Variants in AEBP2 observed in about 807,000 individuals in gnomAD.
AEBP2 encodes zinc finger protein AEBP2.
Under a neutral mutation model 50.8 loss-of-function variants are expected in AEBP2, and 10 were observed. That is an observed-to-expected ratio of 0.20 (90% CI 0.12 to 0.33). The LOEUF is 0.33. Among genes scored for constraint, AEBP2 ranks in the 10% least tolerant of loss-of-function variants. The probability of loss-of-function intolerance (pLI) is 1.00; values close to 1 mark genes in which losing one functional copy is unlikely to be tolerated. For missense variants in AEBP2, 570 were observed against 688.0 expected, an observed-to-expected ratio of 0.83 and a Z score of 1.92; for synonymous variants, 296 against 261.3, an observed-to-expected ratio of 1.13 and a Z score of -1.28.
chr12:19,509,697 A>G (rs1239460125), intron 5 of AEBP2, among the ~76,000 whole-genome samples: 2 of 152,050 alleles, frequency 1.3e-5, no homozygotes. Context: ...CAGTGAGCTG[A>G]GATTATGTCA....
chr12:19,471,858 T>TC (rs1948578633), intron 2 of AEBP2, among the ~76,000 whole-genome samples: 1 of 152,184 alleles, frequency 6.6e-6, no homozygotes, highest in South Asian at 2.1e-4. Context: ...GTATTTTTTT[T>TC]CTGTTCCTAC....
At chr12:19,442,087 C>T (rs1186141756) in intron 1 of AEBP2, among the ~76,000 whole-genome samples, 1 of 152,074 alleles carries the variant, frequency 6.6e-6, no homozygotes, top group African/African-American at 2.4e-5. Flanking sequence ...CCTATTATTT[C>T]CACTGAAGAG....
At chr12:19,467,637 T>A (rs1377717604) in intron 2 of AEBP2, among the ~76,000 whole-genome samples, 1 of 152,154 alleles carries the variant, frequency 6.6e-6, no homozygotes. Flanking sequence ...AAGATTAGAC[T>A]CTGAGTTATC....
intron 1 of AEBP2, among the ~76,000 whole-genome samples, chr12:19,418,531 C>T (rs1316315942): frequency 6.6e-6 from 1 of 151,932 alleles, no homozygotes; most frequent in African/African-American, 2.4e-5. Context: ...ATACTTGGCC[C>T]CAGATCTTTA....
chr12:19,429,111 A>G (rs2153365054), intron 1 of AEBP2, among the ~76,000 whole-genome samples: 1 of 152,158 alleles, frequency 6.6e-6, no homozygotes, highest in East Asian at 1.9e-4. Flanking sequence ...ATATCTCCGA[A>G]TGCTATCCCT....
intron 2 of AEBP2, 29 bp from the exon 3 acceptor site, chr12:19,473,219 A>G (rs1019409763): frequency 2.5e-6 from 3 of 1,180,104 alleles, no homozygotes; most frequent in Non-Finnish European, 3.4e-6. Flanking sequence ...AAGTCATGAA[A>G]ATTAATATGG....
rs767912327 is a variant in AEBP2, at chr12:19,518,438, C to CTT, written c.*330_*331dup. ...TTTGCATGCTTGCTGCTTTAAGCTGCTTTTTTTTTTCTTTTCTTCCCTTTA... is the reference window on the plus strand; with the variant it reads ...TTTGCATGCTTGCTGCTTTAAGCTGCTTTTTTTTTTTTCTTTTCTTCCCTTTA... On this transcript the variant is annotated 3_prime_UTR_variant, in exon 8 of 8. Coordinates refer to ENST00000266508, the MANE Select transcript of AEBP2 (RefSeq NM_153207.5). 27 of 1,168,334 alleles carry CTT rather than the reference C, an allele frequency of 2.3e-5. No individual in the cohort carries two copies. The highest frequency in any genetic ancestry group is 2.5e-5 in the Non-Finnish European group (23 of 935,324). The allele number at this position is 1,168,334 out of a possible 1,614,324, so 72.4% of individuals were successfully genotyped here.
chr12:19,436,981 C>T (rs2153365579), upstream of AEBP2, among the ~76,000 whole-genome samples: 1 of 152,230 alleles, frequency 6.6e-6, no homozygotes, highest in Admixed American at 6.6e-5. Flanking sequence ...CCTGCTGTCT[C>T]CTATCCCTGT....
rs540107395 is a variant in AEBP2 at position 19,423,418 on chromosome 12, C to T, written c.-17+19202C>T. Among the ~76,000 whole-genome samples, 18 of 152,254 alleles carry T rather than the reference C, an allele frequency of 1.2e-4. No individual in the cohort carries two copies. In the East Asian group the frequency reaches 3.5e-3, roughly 29 times the overall value. ...AAGCTCCCATACAAGATGCTTTAGG[C>T]ATGCTTGAAGACAGAGTGAGGATTT... On this transcript the variant is annotated intron_variant, in intron 1 of 3. Transcript: ENST00000538425.
chr12:19,502,298 T>TTGTATTTTTAGTAC (rs1949093576), intron 5 of AEBP2, among the ~76,000 whole-genome samples: 1 of 152,016 alleles, frequency 6.6e-6, no homozygotes, highest in Non-Finnish European at 1.5e-5. Flanking sequence ...CAAGCCCAGC[T>TTGTATTTTTAGTAC]AATTTTTGTA....
chr12:19,497,314 T>C (rs1179731550), intron 4 of AEBP2, among the ~76,000 whole-genome samples: 2 of 145,244 alleles, frequency 1.4e-5, no homozygotes, highest in Non-Finnish European at 3.0e-5. Context: ...TCTATTTTTG[T>C]GGTTTCCAAA....
Position 19,473,234 on chromosome 12 carries a change from GT to G in AEBP2, c.880-9del. 7.6e-7 allele frequency: 1 copy of G among 1,324,460 alleles called. No individual in the cohort carries two copies. Among genetic ancestry groups the G allele is most frequent in the Non-Finnish European group, 1.0e-6 (1 of 990,002 alleles). The allele number at this position is 1,324,460 out of a possible 1,614,324, so 82.0% of individuals were successfully genotyped here. On this transcript the variant is annotated splice_polypyrimidine_tract_variant and intron_variant, in intron 2 of 7. Transcript: ENST00000266508. ...AAGTCATGAAAATTAATATGGTTCT[GT>G]TTTTCTTAACAGGTATTTGTTTGCT...
intron 4 of AEBP2, among the ~76,000 whole-genome samples, chr12:19,496,728 C>G (rs1186576740): frequency 6.7e-6 from 1 of 149,772 alleles, no homozygotes; most frequent in East Asian, 2.0e-4. Context: ...GTGGTGCAAT[C>G]ATGACTCACT....
intron 2 of AEBP2, among the ~76,000 whole-genome samples, chr12:19,463,637 TA>T (rs1262829690): frequency 6.0e-5 from 9 of 150,878 alleles, no homozygotes; most frequent in Non-Finnish European, 1.2e-4. Context: ...TCAACGTTTC[TA>T]ACATTTTAAG....
At chr12:19,431,517 A>G (rs1161076371) in intron 1 of AEBP2, among the ~76,000 whole-genome samples, 2 of 152,216 alleles carry the variant, frequency 1.3e-5, no homozygotes, top group Non-Finnish European at 2.9e-5. Flanking sequence ...TTTTATCTGA[A>G]GTTTATAGAA....
chr12:19,512,040 T>C (rs1949240250), intron 5 of AEBP2, among the ~76,000 whole-genome samples: 1 of 152,000 alleles, frequency 6.6e-6, no homozygotes, highest in Non-Finnish European at 1.5e-5. Flanking sequence ...AAGTTTTTTT[T>C]TTTCTCTGAG....
At chr12:19,407,306 T>C (rs1015678250) in intron 1 of AEBP2, among the ~76,000 whole-genome samples, 7 of 151,932 alleles carry the variant, frequency 4.6e-5, no homozygotes, top group African/African-American at 1.7e-4. Flanking sequence ...ATCTCTTTTT[T>C]CTTTTTTCTT....
intron 3 of AEBP2, among the ~76,000 whole-genome samples, chr12:19,486,870 G>A (rs1348424890): frequency 6.6e-6 from 1 of 151,292 alleles, no homozygotes; most frequent in Non-Finnish European, 1.5e-5. Context: ...GATCTCAAAT[G>A]TAACCCCCAC....
intron 4 of AEBP2, among the ~76,000 whole-genome samples, chr12:19,495,232 A>G (rs1204230401): frequency 1.3e-5 from 2 of 152,144 alleles, no homozygotes; most frequent in African/African-American, 2.4e-5. Context: ...CATATCCTCA[A>G]TGAAGAAATA....
Sources: allele counts gnomAD v4.1 joint callset (sites outside exome capture counted in the v4.1 genomes callset), GRCh38; gene constraint gnomAD v4.1.1; transcripts MANE v1.5; gene names NCBI Gene and HGNC (gene_info 2026-07-23, HGNC 2026-07-21).